The following CD2AP variants were observed in gnomAD, a reference collection of about 807,000 sequenced individuals.
The protein encoded by CD2AP is CD2 associated protein.
A neutral mutation model predicts 85.1 loss-of-function variants in CD2AP; 46 were observed. The ratio of observed to expected loss-of-function variants is 0.54; its 90% CI spans 0.43 to 0.69. The LOEUF (loss-of-function observed/expected upper bound fraction) is 0.69, where lower values mean the gene tolerates loss of function less well. CD2AP is among the 30% of genes least tolerant of loss of function. CD2AP has a pLI of 0.00. For missense variants in CD2AP, 769 were observed against 729.5 expected, an observed-to-expected ratio of 1.05 and a Z score of -0.62; for synonymous variants, 255 against 252.9, an observed-to-expected ratio of 1.01 and a Z score of -0.08.
rs2113951225 is a variant in CD2AP, at chr6:47,478,127, G to A, written c.-118G>A. The stretch of plus-strand genomic sequence containing the variant: ...CGACTCTTCGCCCCGCCTGAGCTCA[G>A]GAGGGGCTAGCGCGGAGCGCGGGTC... On this transcript the variant is annotated 5_prime_UTR_variant, in exon 1 of 18. Transcript: ENST00000359314. The A allele has an allele frequency of 7.5e-7, 1 of 1,341,992 alleles. No individual in the cohort carries two copies. The highest frequency in any genetic ancestry group is 1.0e-6 in the Non-Finnish European group (1 of 959,270). 83.1% of individuals were successfully genotyped at this position (1,341,992 alleles called of 1,614,324 possible).
intron 13 of CD2AP, 79 bp from the exon 14 acceptor site, chr6:47,606,086 T>A: frequency 1.3e-6 from 1 of 778,018 alleles, no homozygotes; most frequent in Non-Finnish European, 2.2e-6. Flanking sequence ...TTATAGTTTG[T>A]CCAAAAACTG....
intron 1 of CD2AP, among the ~76,000 whole-genome samples, chr6:47,500,723 G>A (rs896036420): frequency 6.6e-6 from 1 of 151,004 alleles, no homozygotes; most frequent in African/African-American, 2.4e-5. Context: ...AACATCCAGA[G>A]TCTGCAGGAG....
chr6:47,547,206 A>G (rs548384810), intron 4 of CD2AP, among the ~76,000 whole-genome samples: 1 of 152,328 alleles, frequency 6.6e-6, no homozygotes, highest in Admixed American at 6.5e-5. Flanking sequence ...TGTCAATACT[A>G]ATGTTGAGTG....
intron 17 of CD2AP, among the ~76,000 whole-genome samples, chr6:47,622,007 C>T (rs1185794204): frequency 4.6e-5 from 7 of 152,150 alleles, no homozygotes; most frequent in East Asian, 1.9e-4. Flanking sequence ...TCTTCTTGGG[C>T]GGGTCTTGCT....
At position 47,600,320 on chromosome 6, in the gene CD2AP, A is replaced by G. The variant is rs139060264; in HGVS notation, c.1417+877A>G. On this transcript the variant is annotated intron_variant, in intron 13 of 17. Transcript: ENST00000359314. The stretch of plus-strand genomic sequence containing the variant: ...TTCTTTTAAGAAATCTTAATATTCT[A>G]ATTTTTCTAGCTTCATTGTTCACAT... 5.3e-5 allele frequency among the ~76,000 whole-genome samples: 8 copies of G among 152,030 alleles called. No homozygotes were observed. In the East Asian group the frequency reaches 1.5e-3, roughly 29 times the overall value.
At chr6:47,515,614 A>G (rs1014893729) in intron 2 of CD2AP, among the ~76,000 whole-genome samples, 5 of 152,194 alleles carry the variant, frequency 3.3e-5, no homozygotes, top group Non-Finnish European at 5.9e-5. Flanking sequence ...AAATGCATCT[A>G]TGGTATGTGC....
chr6:47,494,862 A>G (rs1003026474), intron 1 of CD2AP, among the ~76,000 whole-genome samples: 4 of 152,230 alleles, frequency 2.6e-5, no homozygotes, highest in African/African-American at 9.6e-5. Context: ...ATGTTACATT[A>G]TTTAGAAATA....
rs1466037621 is a variant in CD2AP at position 47,607,959 on chromosome 6, A to G, written c.1563A>G (p.Leu521=). ...ACAGCCCCGAAAAAATCTTGAAGTT[A>G]CCAAAAGAAGAAGACAGTGCCAACC... is the stretch of plus-strand genomic sequence containing the variant. The part of the protein sequence containing the change: ...PTHSPEKILK[L]PKEEDSANLK... The change falls in exon 15 of 18, where the codon TTA becomes TTG. Residue 521 remains leucine (L), a synonymous_variant. Transcript: ENST00000359314. The G allele has an allele frequency of 6.2e-7, 1 of 1,612,918 alleles. No homozygotes were observed.
intron 12 of CD2AP, among the ~76,000 whole-genome samples, chr6:47,597,084 C>T (rs2114132912): frequency 7.1e-6 from 1 of 140,118 alleles, no homozygotes; most frequent in Middle Eastern, 3.5e-3. Context: ...CAGTAAATTC[C>T]CAGGGTGCTA....
intron 11 of CD2AP, among the ~76,000 whole-genome samples, chr6:47,584,417 TC>T (rs1420053847): frequency 8.3e-6 from 1 of 119,792 alleles, no homozygotes; most frequent in African/African-American, 2.9e-5. Context: ...TTGTCTAGAT[TC>T]ATTTTTTTTT....
intron 1 of CD2AP, among the ~76,000 whole-genome samples, chr6:47,484,756 GT>G (rs1489835929): frequency 6.6e-6 from 1 of 152,138 alleles, no homozygotes; most frequent in Non-Finnish European, 1.5e-5. Flanking sequence ...TCCAGTATCT[GT>G]TTTAGTGCCT....
intron 11 of CD2AP, among the ~76,000 whole-genome samples, chr6:47,593,378 A>C (rs999775965): frequency 6.6e-6 from 1 of 152,158 alleles, no homozygotes. Flanking sequence ...ACAACTTAAC[A>C]ACAAAAAGAC....
At position 47,523,288 on chromosome 6, in the gene CD2AP, G is replaced by C. The variant is rs184831251; in HGVS notation, c.166-10314G>C. Among the ~76,000 whole-genome samples the C allele has an allele frequency of 7.4e-4, 113 of 152,184 alleles. 1 individual carries two copies. The highest frequency in any genetic ancestry group is 3.3e-3 in the Admixed American group (50 of 15,302). ...CTTGCAGATATTGGAATATTAAATG[G>C]AAGACAAGTTTACTGGCTAATTGGG... On this transcript the variant is annotated intron_variant, in intron 2 of 17. Coordinates refer to ENST00000359314, the MANE Select transcript of CD2AP (RefSeq NM_012120.3).
chr6:47,612,573 C>T (rs1769474127), intron 17 of CD2AP, 37 bp downstream of exon 17: 1 of 1,422,440 alleles, frequency 7.0e-7, no homozygotes, highest in Non-Finnish European at 9.9e-7. Flanking sequence ...GTTTAGTGAG[C>T]ATAAACTGGA....
At chr6:47,605,356 A>G (rs558698954) in intron 13 of CD2AP, among the ~76,000 whole-genome samples, 1 of 152,114 alleles carries the variant, frequency 6.6e-6, no homozygotes, top group East Asian at 1.9e-4. Flanking sequence ...CTTTAGCAAG[A>G]CTTTCTGAAT....
At chr6:47,605,968 T>C (rs958429923) in intron 13 of CD2AP, among the ~76,000 whole-genome samples, 197 bp from the exon 14 acceptor site, 4 of 145,882 alleles carry the variant, frequency 2.7e-5, no homozygotes, top group African/African-American at 7.3e-5. Context: ...ATGTATCAGG[T>C]AAAGAGGATT....
intron 2 of CD2AP, among the ~76,000 whole-genome samples, chr6:47,507,864 A>G (rs1766215685): frequency 6.6e-6 from 1 of 152,226 alleles, no homozygotes; most frequent in Non-Finnish European, 1.5e-5. Flanking sequence ...TACATTTCCA[A>G]CAGAGCTCTT....
intron 3 of CD2AP, among the ~76,000 whole-genome samples, chr6:47,539,933 C>T (rs1016153862): frequency 6.6e-6 from 1 of 151,738 alleles, no homozygotes; most frequent in Non-Finnish European, 1.5e-5. Context: ...AATCCCAGCA[C>T]TTTAGGAGGC....
chr6:47,581,170 AAACTT>A (rs894696512), intron 10 of CD2AP, among the ~76,000 whole-genome samples: 68 of 152,304 alleles, frequency 4.5e-4, no homozygotes, highest in African/African-American at 1.4e-3. Flanking sequence ...CTGTTTTAGA[AAACTT>A]AATATATTGA....
Sources: allele counts gnomAD v4.1 joint callset (sites outside exome capture counted in the v4.1 genomes callset), GRCh38; gene constraint gnomAD v4.1.1; transcripts MANE v1.5; gene names NCBI Gene and HGNC (gene_info 2026-07-23, HGNC 2026-07-21).